COL11A2: variants seen among roughly 807,000 people sequenced by gnomAD.
COL11A2 encodes the protein collagen type XI alpha 2 chain.
In COL11A2, 116 loss-of-function variants were observed where a neutral mutation model predicts 273.4. The observed-to-expected ratio is 0.42, with a 90% CI of 0.36 to 0.49. The LOEUF is 0.49. Ranked by LOEUF, COL11A2 falls within the 20% of genes least tolerant of loss-of-function variation. COL11A2 has a pLI of 0.00. For synonymous variants in COL11A2, 782 were observed against 864.2 expected (o/e 0.90, Z 1.67); for missense variants, 1,866 against 2,309.0 (o/e 0.81, Z 3.93).
chr6:33,186,407 G>A (rs1271318456), intron 5 of COL11A2: 1 of 1,428,652 alleles, frequency 7.0e-7, no homozygotes, highest in Non-Finnish European at 9.1e-7. Context: ...GACTGGAAGA[G>A]GAGACGCAGA....
intron 44 of COL11A2, 38 bp from the exon 45 acceptor site, chr6:33,171,205 G>T: frequency 6.2e-7 from 1 of 1,613,436 alleles, no homozygotes. Context: ...CCAAAACAGG[G>T]AGAGAGATCA....
Position 33,179,871 on chromosome 6 carries a change from G to C in COL11A2, c.1360-66C>G. ...AGCCATGGGACCCTCCCAGCCAGAG[G>C]CTTTCTCCAGCGTTTCTGCCCCTTG... On this transcript the variant is annotated intron_variant, in intron 12 of 65. Transcript: ENST00000341947. This position sits in a 1 kb window ranked among gnomAD's most constrained non-coding sequence, Gnocchi z 6.4. 6.8e-7 allele frequency: 1 copy of C among 1,460,842 alleles called. No homozygotes were observed. 90.5% of individuals were successfully genotyped at this position (1,460,842 alleles called of 1,614,324 possible). A position where few individuals can be genotyped will look rare whatever the true frequency, so the allele number is the denominator to read the frequency against.
chr6:33,176,829 C>T lies in COL11A2; in HGVS notation c.2071-64G>A, dbSNP rs1207704214. On this transcript the variant is annotated intron_variant, in intron 25 of 65. Transcript: ENST00000341947. This position sits in a 1 kb window ranked among gnomAD's most constrained non-coding sequence, Gnocchi z 4.9. Reference sequence around the variant, plus strand: ...GTCACCCTCTCTGCACCCCTCCCTACACTTCTTCCAACCCAAATTTCCTGT... The same window carrying T: ...GTCACCCTCTCTGCACCCCTCCCTATACTTCTTCCAACCCAAATTTCCTGT... 1.2e-5 allele frequency: 19 copies of T among 1,574,448 alleles called. No individual in the cohort carries two copies. Among genetic ancestry groups the T allele is most frequent in the Non-Finnish European group, 1.5e-5 (17 of 1,154,788 alleles).
At position 33,163,593 on chromosome 6, in the gene COL11A2, C is replaced by T; in HGVS notation, c.*85G>A. On this transcript the variant is annotated 3_prime_UTR_variant, in exon 66 of 66. Transcript: ENST00000341947. The surrounding 1 kb of genome is among the most constrained non-coding windows in gnomAD (Gnocchi z 4.1). ...CCAGGGCTCCCTAGATAGTGAGGAG[C>T]CCTCTTGGGAGGTGGCACAGAGCTG... 6.2e-7 allele frequency: 1 copy of T among 1,603,262 alleles called. No individual in the cohort carries two copies. Among genetic ancestry groups the T allele is most frequent in the Non-Finnish European group, 8.5e-7 (1 of 1,171,390 alleles).
chr6:33,169,791 GA>G lies in COL11A2; in HGVS notation c.3690+39del. The G allele has an allele frequency of 6.2e-7, 1 of 1,613,072 alleles. No individual in the cohort carries two copies. The highest frequency in any genetic ancestry group is 8.5e-7 in the Non-Finnish European group (1 of 1,179,094). ...AAGTGGAGGCAGGGTTGAGGCGGGT[GA>G]CGGGGACTGGGGAGTAAGGCCTTGG... On this transcript the variant is annotated intron_variant, in intron 50 of 65. Transcript: ENST00000341947. This position sits in a 1 kb window ranked among gnomAD's most constrained non-coding sequence, Gnocchi z 5.5.
chr6:33,185,827 A>G, intron 5 of COL11A2, 49 bp from the exon 6 acceptor site: 2 of 583,040 alleles, frequency 3.4e-6, no homozygotes, highest in Non-Finnish European at 6.2e-6. Flanking sequence ...GGTAATTGGA[A>G]GGTGTGGGGT....
At position 33,176,115 on chromosome 6, in the gene COL11A2, G is replaced by T. The variant is rs1770860754; in HGVS notation, c.2215-46C>A. On this transcript the variant is annotated intron_variant, in intron 28 of 65. Coordinates refer to ENST00000341947, the MANE Select transcript of COL11A2 (RefSeq NM_080680.3). This position sits in a 1 kb window ranked among gnomAD's most constrained non-coding sequence, Gnocchi z 4.9. ...AGGGCACCACAGATGACAGAGGGCTGGGGTTCTAATGGGAATTCTGAGAAC... is the reference window on the plus strand; with the variant it reads ...AGGGCACCACAGATGACAGAGGGCTTGGGTTCTAATGGGAATTCTGAGAAC... 6.2e-7 allele frequency: 1 copy of T among 1,611,882 alleles called. No homozygotes were observed. The highest frequency in any genetic ancestry group is 1.3e-5 in the African/African-American group (1 of 74,842).
rs953194583 is a variant in COL11A2, at chr6:33,178,454, G to A, written c.1754C>T (p.Pro585Leu). ...DTGAQGLPGP[P>L]GEDGERGDDG... ...ACTTACCCTCTCTCCATCCTCACCA[G>A]GGGGACCAGGAAGGCCCTGGGCACC... is the stretch of plus-strand genomic sequence containing the variant. Residue 585 changes from proline (P) to leucine (L), a missense_variant, in exon 19 of 66, where the codon CCT (proline) becomes CTT (leucine). Physicochemically the swap from Pro to Leu is moderately conservative, Grantham distance 98. Coordinates refer to ENST00000341947, the MANE Select transcript of COL11A2 (RefSeq NM_080680.3). This position sits in a 1 kb window ranked among gnomAD's most constrained non-coding sequence, Gnocchi z 4.6. 6.2e-7 allele frequency: 1 copy of A among 1,612,820 alleles called. No individual in the cohort carries two copies. The highest frequency in any genetic ancestry group is 1.3e-5 in the African/African-American group (1 of 74,874).
rs9368758 is a variant in COL11A2, at chr6:33,170,244, G to A, written c.3582+82C>T. The A allele has an allele frequency of 0.087, 135,929 of 1,570,954 alleles. 10,543 individuals carry two copies. The highest frequency in any genetic ancestry group is 0.52 in the East Asian group (22,932 of 43,940). On this transcript the variant is annotated intron_variant, in intron 48 of 65. Transcript: ENST00000341947. The surrounding 1 kb of genome is among the most constrained non-coding windows in gnomAD (Gnocchi z 4.3). ...AAGGGCTTCTCTTGGCCCCTGAGAC[G>A]ATACTAGAGTTTATGGTCTGGGAAA...
At position 33,177,526 on chromosome 6, in the gene COL11A2, T is replaced by C. The variant is rs1427749412; in HGVS notation, c.1918-61A>G. ...ATGGAGATAGAACACATTTAGAGCA[T>C]GGAGCTGAGTCCCAGCAGCGATAGC... On this transcript the variant is annotated intron_variant, in intron 22 of 65. Transcript: ENST00000341947. The surrounding 1 kb of genome is among the most constrained non-coding windows in gnomAD (Gnocchi z 5.9). 6 of 1,597,426 alleles carry C rather than the reference T, an allele frequency of 3.8e-6. No individual in the cohort carries two copies. The highest frequency in any genetic ancestry group is 2.7e-5 in the African/African-American group (2 of 74,512).
Position 33,171,265 on chromosome 6 carries a change from A to G in COL11A2, c.3312+6T>C, listed in dbSNP as rs1474870541. 1.9e-6 allele frequency: 3 copies of G among 1,614,202 alleles called. No individual in the cohort carries two copies. The highest frequency in any genetic ancestry group is 3.3e-4 in the Middle Eastern group (2 of 6,062). ...GAGGTCAGAAGTCAAGGTCATGGAC[A>G]CTTACATGTTCACCCTTGTTCCCTT... is the stretch of plus-strand genomic sequence containing the variant. On this transcript the variant is annotated splice_donor_region_variant and intron_variant, in intron 44 of 65. Transcript: ENST00000341947.
Position 33,171,252 on chromosome 6 carries a change from C to G in COL11A2, c.3312+19G>C. The G allele has an allele frequency of 6.2e-7, 1 of 1,614,206 alleles. No individual in the cohort carries two copies. Among genetic ancestry groups the G allele is most frequent in the Non-Finnish European group, 8.5e-7 (1 of 1,180,032 alleles). ...GGTTAAAGGCCAGGAGGTCAGAAGT[C>G]AAGGTCATGGACACTTACATGTTCA... On this transcript the variant is annotated intron_variant, in intron 44 of 65. Transcript: ENST00000341947.
Position 33,188,492 on chromosome 6 carries a change from T to A in COL11A2, c.476A>T (p.Gln159Leu). ...WHRVAVAVKG[Q>L]SVTLIVDCKK... ...GCAGTCAACAATGAGGGTGACAGACTGGCCCTTCACAGCCACAGCCACACG... is the reference window on the plus strand; with the variant it reads ...GCAGTCAACAATGAGGGTGACAGACAGGCCCTTCACAGCCACAGCCACACG... Residue 159 changes from glutamine to leucine, a missense_variant, in exon 4 of 66, where the codon CAG (glutamine) becomes CTG (leucine). By Grantham distance (113) the Gln-to-Leu change is moderately radical. Coordinates refer to ENST00000341947, the MANE Select transcript of COL11A2 (RefSeq NM_080680.3). The A allele has an allele frequency of 6.2e-7, 1 of 1,613,052 alleles. No homozygotes were observed. The highest frequency in any genetic ancestry group is 1.1e-5 in the South Asian group (1 of 91,080).
Position 33,179,682 on chromosome 6 carries a change from C to G in COL11A2, c.1446+37G>C. 1 of 1,607,912 alleles carries G rather than the reference C, an allele frequency of 6.2e-7. No homozygotes were observed. Among genetic ancestry groups the G allele is most frequent in the Non-Finnish European group, 8.5e-7 (1 of 1,178,486 alleles). On this transcript the variant is annotated intron_variant, in intron 13 of 65. Transcript: ENST00000341947. The surrounding 1 kb of genome is among the most constrained non-coding windows in gnomAD (Gnocchi z 6.4). ...TCCAGCCAACCCTTCCAGTGCCCCC[C>G]AGAGCCTTCCCTTTCCAGGGAAGCA...
Position 33,166,315 on chromosome 6 carries a change from AGGGG to A in COL11A2, c.4393-113_4393-110del. The A allele has an allele frequency of 7.0e-7, 1 of 1,418,788 alleles. No individual in the cohort carries two copies. The highest frequency in any genetic ancestry group is 9.6e-7 in the Non-Finnish European group (1 of 1,041,948). 87.9% of individuals were successfully genotyped at this position (1,418,788 alleles called of 1,614,324 possible). ...CACAGGAGCCTCGGGTTACTACAGGAGGGGCAGTCTTGTGGGAATACTAGGACAT... is the reference window on the plus strand; with the variant it reads ...CACAGGAGCCTCGGGTTACTACAGGACAGTCTTGTGGGAATACTAGGACAT... On this transcript the variant is annotated intron_variant, in intron 60 of 65. Transcript: ENST00000341947. The surrounding 1 kb of genome is among the most constrained non-coding windows in gnomAD (Gnocchi z 4.8).
rs753286439 is a variant in COL11A2 at position 33,176,031 on chromosome 6, G to A, written c.2253C>T (p.Gly751=). 9 of 1,612,990 alleles carry A rather than the reference G, an allele frequency of 5.6e-6. 1 individual carries two copies. The highest frequency in any genetic ancestry group is 4.4e-5 in the South Asian group (4 of 91,068). Residue 751 remains glycine (G), a synonymous_variant, in exon 29 of 66, where the codon GGC becomes GGT. Coordinates refer to ENST00000341947, the MANE Select transcript of COL11A2 (RefSeq NM_080680.3). The surrounding 1 kb of genome is among the most constrained non-coding windows in gnomAD (Gnocchi z 4.9). ...DGFPGFKGDI[G]VKGDRGEVGV... ...CTCTACTCACCCTGTCACCTTTCAC[G>A]CCTATGTCACCTTTGAACCCAGGAA...
At position 33,172,580 on chromosome 6, in the gene COL11A2, G is replaced by T; in HGVS notation, c.2848C>A (p.Pro950Thr). The T allele has an allele frequency of 6.2e-7, 1 of 1,612,650 alleles. No individual in the cohort carries two copies. The highest frequency in any genetic ancestry group is 8.5e-7 in the Non-Finnish European group (1 of 1,179,910). The change falls in exon 39 of 66, where the codon CCC becomes ACC. Residue 950 changes from proline (P) to threonine (T), a missense_variant. Transcript: ENST00000341947. ...GERGHPGPPG[P>T]PGEQGLPGTA... ...CCAGGTAGTCCCTGCTCTCCAGGGG[G>T]CCCCGGGGGGCCTGGGTGACCTCTC...
At chr6:33,183,231 C>T (rs1171712998) in intron 8 of COL11A2, among the ~76,000 whole-genome samples, 2 of 152,012 alleles carry the variant, frequency 1.3e-5, no homozygotes, top group Non-Finnish European at 2.9e-5. Context: ...ATGCCAGGGC[C>T]GAAGAAAATT....
In COL11A2 at chr6:33,170,802, C is replaced by G. The variant is rs1259201253; in HGVS notation, c.3474+8G>C. The G allele has an allele frequency of 1.2e-6, 2 of 1,612,072 alleles. No homozygotes were observed. Among genetic ancestry groups the G allele is most frequent in the Non-Finnish European group, 1.7e-6 (2 of 1,179,590 alleles). ...ACCTCTCAGCCCCTGTCCTATCCCCCAACACACCTGTAGGCCAATGGGTCC... is the reference window on the plus strand; with the variant it reads ...ACCTCTCAGCCCCTGTCCTATCCCCGAACACACCTGTAGGCCAATGGGTCC... On this transcript the variant is annotated splice_region_variant and intron_variant, in intron 46 of 65. Coordinates refer to ENST00000341947, the MANE Select transcript of COL11A2 (RefSeq NM_080680.3). This position sits in a 1 kb window ranked among gnomAD's most constrained non-coding sequence, Gnocchi z 4.3.
Sources: gnomAD v4.1 joint callset for allele counts (sites outside exome capture counted in the v4.1 genomes callset) on GRCh38, gnomAD v4.1.1 for gene constraint, Gnocchi (gnomAD v3.1) non-coding constraint, MANE v1.5 for transcripts, NCBI Gene and HGNC (gene_info 2026-07-23, HGNC 2026-07-21) for gene names.